The following ANKS4B variants were observed in gnomAD, a reference collection of about 807,000 sequenced individuals.
The protein encoded by ANKS4B is ankyrin repeat and SAM domain-containing protein 4B.
A neutral mutation model predicts 20.2 loss-of-function variants in ANKS4B; 21 were observed. That is an observed-to-expected ratio of 1.04 (90% CI 0.74 to 1.50). The LOEUF (loss-of-function observed/expected upper bound fraction) is 1.50, where lower values mean the gene tolerates loss of function less well. Among genes scored for constraint, ANKS4B ranks in the 40% most tolerant of loss-of-function variants. The pLI is 0.00. For missense variants in ANKS4B, 473 were observed against 494.6 expected, an observed-to-expected ratio of 0.96 and a Z score of 0.41; for synonymous variants, 179 against 194.5, an observed-to-expected ratio of 0.92 and a Z score of 0.66.
At chr16:21,243,460 G>A (rs1189231879) in intron 1 of ANKS4B, among the ~76,000 whole-genome samples, 1 of 152,202 alleles carries the variant, frequency 6.6e-6, no homozygotes, top group Non-Finnish European at 1.5e-5. Context: ...ACAATGACAA[G>A]TATGGAATTT....
Position 21,250,208 on chromosome 16 carries a change from T to A in ANKS4B, c.642T>A (p.Asp214Glu). Reference protein sequence around the residue: ...TFKIKFKKNKDTAEQVGKEGR... With the variant: ...TFKIKFKKNKETAEQVGKEGR... Reference sequence around the variant, plus strand: ...AGATCAAGTTCAAGAAGAACAAAGATACAGCAGAACAGGTGGGGAAGGAAG... The same window carrying A: ...AGATCAAGTTCAAGAAGAACAAAGAAACAGCAGAACAGGTGGGGAAGGAAG... The change falls in exon 2 of 2, where the codon GAT (aspartate) becomes GAA (glutamate). Residue 214 changes from aspartate (D) to glutamate (E), a missense_variant. Asp to Glu is a conservative substitution (Grantham distance 45). Coordinates refer to ENST00000311620, the MANE Select transcript of ANKS4B (RefSeq NM_145865.3). 1 of 1,614,062 alleles carries A rather than the reference T, an allele frequency of 6.2e-7. No homozygotes were observed.
Position 21,249,867 on chromosome 16 carries a change from C to A in ANKS4B, c.301C>A (p.Pro101Thr), listed in dbSNP as rs1288942692. The A allele has an allele frequency of 1.9e-6, 3 of 1,614,018 alleles. No individual in the cohort carries two copies. The highest frequency in any genetic ancestry group is 1.7e-5 in the Admixed American group (1 of 60,000). Residue 101 changes from proline (P) to threonine (T), a missense_variant, in exon 2 of 2, where the codon CCA (proline) becomes ACA (threonine). Pro to Thr is a conservative substitution (Grantham distance 38). Coordinates refer to ENST00000311620, the MANE Select transcript of ANKS4B (RefSeq NM_145865.3). The stretch of plus-strand genomic sequence containing the variant: ...TGCCCTGGATAATGACTTACAGACT[C>A]CACTGGATGCTGCTGCCAGCAGGGA... Reference protein sequence around the residue: ...IFALDNDLQTPLDAAASREQN... With the variant: ...IFALDNDLQTTLDAAASREQN...
rs938970076 is a variant in ANKS4B, at chr16:21,253,022, C to CAAAAAAAAAAA, written c.*2213_*2223dup. On this transcript the variant is annotated 3_prime_UTR_variant, in exon 2 of 2. Coordinates refer to ENST00000311620, the MANE Select transcript of ANKS4B (RefSeq NM_145865.3). The stretch of plus-strand genomic sequence containing the variant: ...CCAGGCGGTAAGAGAGACTCCATCT[C>CAAAAAAAAAAA]AAAAAAAAAAAAAAAAAAAAAGAAA... The CAAAAAAAAAAA allele has an allele frequency of 1.5e-5, 1 of 65,766 alleles. No individual in the cohort carries two copies. The highest frequency in any genetic ancestry group is 3.0e-5 in the Non-Finnish European group (1 of 33,284). 4.1% of individuals were successfully genotyped at this position (65,766 alleles called of 1,614,324 possible). A position where few individuals can be genotyped will look rare whatever the true frequency, so the allele number is the denominator to read the frequency against.
In ANKS4B at chr16:21,252,312, G is replaced by C. The variant is rs1432030469; in HGVS notation, c.*1492G>C. 1 of 152,312 alleles carries C rather than the reference G, an allele frequency of 6.6e-6. No individual in the cohort carries two copies. Among genetic ancestry groups the C allele is most frequent in the East Asian group, 1.9e-4 (1 of 5,202 alleles). 9.4% of individuals were successfully genotyped at this position (152,312 alleles called of 1,614,324 possible). On this transcript the variant is annotated 3_prime_UTR_variant, in exon 2 of 2. Coordinates refer to ENST00000311620, the MANE Select transcript of ANKS4B (RefSeq NM_145865.3). ...AGGCCACGTGAGGACACAGTGAGAA[G>C]GTGGCCGTCTGCAAGCCGAGGAGGG... is the stretch of plus-strand genomic sequence containing the variant.
At chr16:21,246,464 T>TG (rs1301718049) in intron 1 of ANKS4B, among the ~76,000 whole-genome samples, 2 of 152,242 alleles carry the variant, frequency 1.3e-5, no homozygotes, top group Non-Finnish European at 2.9e-5. Flanking sequence ...TTTTTTATTA[T>TG]GGCTAGTAGA....
intron 1 of ANKS4B, among the ~76,000 whole-genome samples, chr16:21,239,658 C>G (rs1382611058): frequency 2.0e-5 from 3 of 152,096 alleles, no homozygotes; most frequent in African/African-American, 7.2e-5. Flanking sequence ...ATGGAATCAG[C>G]CTAAATGTCC....
chr16:21,243,908 G>A (rs1394456192), intron 1 of ANKS4B: 1 of 151,966 alleles, frequency 6.6e-6, no homozygotes, highest in Non-Finnish European at 1.5e-5. Flanking sequence ...AAAGCCACTA[G>A]GAAAACCCAT....
chr16:21,249,968 G>A lies in ANKS4B; in HGVS notation c.402G>A (p.Arg134=). The A allele has an allele frequency of 6.2e-7, 1 of 1,614,200 alleles. No homozygotes were observed. The highest frequency in any genetic ancestry group is 8.5e-7 in the Non-Finnish European group (1 of 1,180,032). The change falls in exon 2 of 2, where the codon AGG becomes AGA. Residue 134 remains arginine (R), a synonymous_variant. Transcript: ENST00000311620. ...QNIMNPKKVT[R]LKEQAQKNAR... ...TCATGAACCCCAAGAAGGTCACCAG[G>A]CTGAAGGAGCAGGCTCAGAAGAATG...
intron 1 of ANKS4B, among the ~76,000 whole-genome samples, chr16:21,239,723 T>C (rs1308342783): frequency 6.6e-6 from 1 of 152,206 alleles, no homozygotes; most frequent in Non-Finnish European, 1.5e-5. Context: ...TGGAATAGTA[T>C]GCAGTCGAAA....
intron 1 of ANKS4B, among the ~76,000 whole-genome samples, chr16:21,241,300 C>T (rs1435556664): frequency 1.3e-5 from 2 of 152,210 alleles, no homozygotes; most frequent in Non-Finnish European, 2.9e-5. Context: ...GTTTAGCTCT[C>T]ACTCATAAGT....
chr16:21,250,153 C>T lies in ANKS4B; in HGVS notation c.587C>T (p.Ser196Leu), dbSNP rs1252080164. The change falls in exon 2 of 2, where the codon TCA (serine) becomes TTA (leucine). Residue 196 changes from serine to leucine, a missense_variant. Physicochemically the swap from Ser to Leu is moderately radical, Grantham distance 145. Coordinates refer to ENST00000311620, the MANE Select transcript of ANKS4B (RefSeq NM_145865.3). ...GCTTCTGCTCCTGGCACATTCGGGT[C>T]ACTATCTAAGGGCATTAAAGACACT... is the stretch of plus-strand genomic sequence containing the variant. The part of the protein sequence containing the change: ...SNASAPGTFG[S>L]LSKGIKDTFK... 6.2e-7 allele frequency: 1 copy of T among 1,614,154 alleles called. No homozygotes were observed. The highest frequency in any genetic ancestry group is 1.3e-5 in the African/African-American group (1 of 75,024).
Position 21,250,273 on chromosome 16 carries a change from A to G in ANKS4B, c.707A>G (p.Glu236Gly). The change falls in exon 2 of 2, where the codon GAG becomes GGG. Residue 236 changes from glutamate (E) to glycine (G), a missense_variant. Glu to Gly is a moderately conservative substitution (Grantham distance 98). Transcript: ENST00000311620. Reference protein sequence around the residue: ...GQRNVMEVFREEEEDSFSGDF... With the variant: ...GQRNVMEVFRGEEEDSFSGDF... ...AGGAACGTGATGGAAGTGTTCAGAGAGGAAGAGGAAGACTCGTTCTCAGGG... is the reference window on the plus strand; with the variant it reads ...AGGAACGTGATGGAAGTGTTCAGAGGGGAAGAGGAAGACTCGTTCTCAGGG... 1.2e-6 allele frequency: 2 copies of G among 1,614,204 alleles called. No homozygotes were observed. Among genetic ancestry groups the G allele is most frequent in the Non-Finnish European group, 8.5e-7 (1 of 1,180,032 alleles).
At chr16:21,237,496 C>T (rs2093321618) in intron 1 of ANKS4B, among the ~76,000 whole-genome samples, 2 of 152,054 alleles carry the variant, frequency 1.3e-5, no homozygotes, top group South Asian at 4.2e-4. Context: ...ACCAGCAGGA[C>T]TGGTGTCTGA....
chr16:21,246,661 TTG>T (rs1420367207), intron 1 of ANKS4B, among the ~76,000 whole-genome samples: 2 of 152,108 alleles, frequency 1.3e-5, no homozygotes, highest in African/African-American at 4.8e-5. Flanking sequence ...AAAAGCCCAG[TTG>T]TGTTAATCTA....
In ANKS4B at chr16:21,249,819, G is replaced by A. The variant is rs1247904678; in HGVS notation, c.253G>A (p.Val85Ile). The A allele has an allele frequency of 6.2e-7, 1 of 1,613,936 alleles. No individual in the cohort carries two copies. Among genetic ancestry groups the A allele is most frequent in the Non-Finnish European group, 8.5e-7 (1 of 1,180,024 alleles). Residue 85 changes from valine to isoleucine, a missense_variant, in exon 2 of 2, where the codon GTC becomes ATC. Val to Ile is a conservative substitution (Grantham distance 29, BLOSUM62 3). Coordinates refer to ENST00000311620, the MANE Select transcript of ANKS4B (RefSeq NM_145865.3). ...NGHAHCVSFL[V>I]NFGANIFALD... is the part of the protein sequence containing the mutation. The stretch of plus-strand genomic sequence containing the variant: ...CCATGCCCACTGCGTCTCATTCCTG[G>A]TCAACTTTGGTGCCAACATCTTTGC...
At position 21,249,861 on chromosome 16, in the gene ANKS4B, C is replaced by T. The variant is rs775847505; in HGVS notation, c.295C>T (p.Gln99Ter). 1.3e-5 allele frequency: 21 copies of T among 1,614,088 alleles called. No homozygotes were observed. Among genetic ancestry groups the T allele is most frequent in the Non-Finnish European group, 1.7e-5 (20 of 1,180,056 alleles). ...ANIFALDNDL[Q>*]TPLDAAASRE... ...CATCTTTGCCCTGGATAATGACTTA[C>T]AGACTCCACTGGATGCTGCTGCCAG... is the stretch of plus-strand genomic sequence containing the variant. Residue 99 changes from glutamine to a stop codon, truncating the protein, a stop_gained, in exon 2 of 2, where the codon CAG (glutamine) becomes TAG (stop). Coordinates refer to ENST00000311620, the MANE Select transcript of ANKS4B (RefSeq NM_145865.3). LOFTEE classifies it high-confidence loss of function.
rs1398136084 is a variant in ANKS4B, at chr16:21,234,794, T to G, written c.164+893T>G. On this transcript the variant is annotated intron_variant, in intron 1 of 1. Transcript: ENST00000311620. ...AACAAGACAGCCACAGTCCCTGTCA[T>G]AGTGAGCAGATTTGAGAGGGGAAGA... 1.2e-4 allele frequency among the ~76,000 whole-genome samples: 18 copies of G among 152,128 alleles called. 1 individual carries two copies. Among genetic ancestry groups the G allele is most frequent in the Admixed American group, 1.2e-3 (18 of 15,258 alleles).
rs188936960 is a variant in ANKS4B at position 21,251,572 on chromosome 16, T to C, written c.*752T>C. The C allele has an allele frequency of 2.0e-5, 3 of 152,398 alleles. No individual in the cohort carries two copies. Among genetic ancestry groups the C allele is most frequent in the Admixed American group, 2.0e-4 (3 of 15,312 alleles). 9.4% of individuals were successfully genotyped at this position (152,398 alleles called of 1,614,324 possible). A position where few individuals can be genotyped will look rare whatever the true frequency, so the allele number is the denominator to read the frequency against. ...CCTGGGAATTCCAATTCTTTTTCTC[T>C]CCTGAGATCTATGACTTTGCCTAGT... On this transcript the variant is annotated 3_prime_UTR_variant, in exon 2 of 2. Transcript: ENST00000311620.
chr16:21,253,337 T>A lies in ANKS4B; in HGVS notation c.*2517T>A, dbSNP rs1232013660. 1 of 152,272 alleles carries A rather than the reference T, an allele frequency of 6.6e-6. No individual in the cohort carries two copies. Among genetic ancestry groups the A allele is most frequent in the Non-Finnish European group, 1.5e-5 (1 of 68,052 alleles). The allele number at this position is 152,272 out of a possible 1,614,324, so 9.4% of individuals were successfully genotyped here. ...TTGGCTTATTCTTCCTCAATGAATATATTCAGAAAGCTTGTTAGCCATTGA... is the reference window on the plus strand; with the variant it reads ...TTGGCTTATTCTTCCTCAATGAATAAATTCAGAAAGCTTGTTAGCCATTGA... On this transcript the variant is annotated 3_prime_UTR_variant, in exon 2 of 2. Coordinates refer to ENST00000311620, the MANE Select transcript of ANKS4B (RefSeq NM_145865.3).
Sources: gnomAD v4.1 joint callset for allele counts (sites outside exome capture counted in the v4.1 genomes callset) on GRCh38, gnomAD v4.1.1 for gene constraint, MANE v1.5 for transcripts, NCBI Gene and HGNC (gene_info 2026-07-23, HGNC 2026-07-21) for gene names.